The following HS6ST2 variants were observed in gnomAD, a reference collection of about 807,000 sequenced individuals.
HS6ST2 encodes the protein heparan-sulfate 6-O-sulfotransferase 2.
Under a neutral mutation model 33.0 loss-of-function variants are expected in HS6ST2, and 17 were observed. The observed-to-expected ratio is 0.52, with a 90% CI of 0.35 to 0.77. HS6ST2 has a LOEUF of 0.77. Ranked by LOEUF, HS6ST2 falls within the 30% of genes least tolerant of loss-of-function variation. HS6ST2 has a pLI of 0.01. For missense variants in HS6ST2, 519 were observed against 551.7 expected (o/e 0.94, Z 0.59); for synonymous variants, 248 against 237.1 (o/e 1.05, Z -0.42).
At chrX:132,944,340 T>C (rs1306003109) in intron 2 of HS6ST2, among the ~76,000 whole-genome samples, 1 of 111,132 alleles carries the variant, frequency 9.0e-6, no homozygotes, top group Non-Finnish European at 1.9e-5. Flanking sequence ...AAACCACTGC[T>C]CGATGAAACA....
At chrX:132,791,811 A>C (rs1343010470) in intron 2 of HS6ST2, among the ~76,000 whole-genome samples, 3 of 74,058 alleles carry the variant, frequency 4.1e-5, no homozygotes, top group African/African-American at 9.4e-5. Context: ...CCATTTCTAC[A>C]AAAAAAAAAA....
At chrX:132,631,510 T>A (rs1231132600) in intron 4 of HS6ST2, among the ~76,000 whole-genome samples, 1 of 110,262 alleles carries the variant, frequency 9.1e-6, no homozygotes, top group Non-Finnish European at 1.9e-5. Context: ...CTCCTTCCAC[T>A]CCTAGCTTTA....
chrX:132,669,093 A>G lies in HS6ST2; in HGVS notation c.1067+20T>C. On this transcript the variant is annotated intron_variant, in intron 4 of 4. Transcript: ENST00000370833. ...TTTTTGACAGCTATGTCAGATGTAC[A>G]GGAGCACTTTTTCACTTACTTCCCA... 9.3e-7 allele frequency: 1 copy of G among 1,072,766 alleles called. No individual in the cohort carries two copies. Among genetic ancestry groups the G allele is most frequent in the Non-Finnish European group, 1.3e-6 (1 of 770,798 alleles). The allele number at this position is 1,072,766 out of a possible 1,213,427, so 88.4% of individuals were successfully genotyped here. A position where few individuals can be genotyped will look rare whatever the true frequency, so the allele number is the denominator to read the frequency against.
chrX:132,845,094 AATT>A (rs1422290483), intron 2 of HS6ST2, among the ~76,000 whole-genome samples: 4 of 108,283 alleles, frequency 3.7e-5, no homozygotes, highest in Admixed American at 1.0e-4. Context: ...TATAATATCT[AATT>A]ATTATATATT....
At chrX:132,952,189 A>G (rs1444253545) in intron 2 of HS6ST2, among the ~76,000 whole-genome samples, 2 of 112,094 alleles carry the variant, frequency 1.8e-5, no homozygotes, top group East Asian at 5.6e-4. Context: ...GAGAACTTAC[A>G]GCTTTGTAAG....
At chrX:132,905,426 T>C (rs941727022) in intron 2 of HS6ST2, among the ~76,000 whole-genome samples, 1 of 112,362 alleles carries the variant, frequency 8.9e-6, no homozygotes, top group Non-Finnish European at 1.9e-5. Flanking sequence ...AAGGTAGTAA[T>C]CTGGGAAAAA....
intron 2 of HS6ST2, among the ~76,000 whole-genome samples, chrX:132,849,684 C>T (rs1221192258): frequency 8.9e-6 from 1 of 111,873 alleles, no homozygotes; most frequent in Non-Finnish European, 1.9e-5. Flanking sequence ...AGGTTTGATG[C>T]ATATTTCTTT....
intron 3 of HS6ST2, among the ~76,000 whole-genome samples, chrX:132,675,007 G>A (rs2063913183): frequency 8.9e-6 from 1 of 111,762 alleles, no homozygotes; most frequent in South Asian, 3.8e-4. Context: ...TATGTTTGGG[G>A]AATGAGAATA....
intron 2 of HS6ST2, among the ~76,000 whole-genome samples, chrX:132,813,426 G>T (rs1359868715): frequency 9.0e-6 from 1 of 111,513 alleles, no homozygotes. Context: ...CACACATATA[G>T]ATATTCCCCA....
intron 2 of HS6ST2, among the ~76,000 whole-genome samples, chrX:132,884,379 T>C (rs2066223319): frequency 8.9e-6 from 1 of 111,960 alleles, no homozygotes; most frequent in Admixed American, 9.5e-5. Flanking sequence ...TCTGCAGATG[T>C]TATGATGTTT....
chrX:132,875,281 G>C (rs924947187), intron 2 of HS6ST2, among the ~76,000 whole-genome samples: 9 of 111,494 alleles, frequency 8.1e-5, no homozygotes, highest in Admixed American at 2.9e-4. Context: ...AGGGCAAACT[G>C]ATTTTAAACA....
At chrX:132,753,596 C>T (rs1333207623) in intron 2 of HS6ST2, among the ~76,000 whole-genome samples, 2 of 112,253 alleles carry the variant, frequency 1.8e-5, no homozygotes, top group Non-Finnish European at 3.8e-5. Flanking sequence ...ACTGTGAGAC[C>T]TCCCTAGCCA....
rs771890853 is a variant in HS6ST2 at position 132,850,974 on chromosome X, CT to C, written c.947+105833del. 4.5e-5 allele frequency among the ~76,000 whole-genome samples: 5 copies of C among 111,925 alleles called. No homozygotes were observed. The East Asian group carries it at 1.4e-3, about 32-fold the overall frequency. ...CTAACATTTTCTGCCATGAATTGTC[CT>C]CTTCCAGCTTCACAATTAATGGTCT... On this transcript the variant is annotated intron_variant, in intron 2 of 4. Coordinates refer to ENST00000370833, the MANE Select transcript of HS6ST2 (RefSeq NM_001394073.1).
At chrX:132,828,616 C>G (rs1209507689) in intron 2 of HS6ST2, among the ~76,000 whole-genome samples, 1 of 101,942 alleles carries the variant, frequency 9.8e-6, no homozygotes, top group Non-Finnish European at 2.0e-5. Context: ...GAGACACCGA[C>G]TGGGCACTAC....
chrX:132,925,665 C>G (rs1179926522), intron 2 of HS6ST2, among the ~76,000 whole-genome samples: 1 of 111,423 alleles, frequency 9.0e-6, no homozygotes, highest in Non-Finnish European at 1.9e-5. Flanking sequence ...TTACAGCCAC[C>G]TAATGATATT....
chrX:132,743,926 T>C (rs1005406013), intron 2 of HS6ST2, among the ~76,000 whole-genome samples: 2 of 110,317 alleles, frequency 1.8e-5, no homozygotes, highest in Non-Finnish European at 3.8e-5. Flanking sequence ...TGAGCAAAGG[T>C]GTGCTGCCAT....
intron 2 of HS6ST2, among the ~76,000 whole-genome samples, chrX:132,711,228 T>A (rs185425466): frequency 9.0e-6 from 1 of 111,656 alleles, no homozygotes; most frequent in African/African-American, 3.2e-5. Flanking sequence ...ATCCAAAAGC[T>A]CCAGATGTGG....
chrX:132,875,787 T>C (rs999432527), intron 2 of HS6ST2, among the ~76,000 whole-genome samples: 1 of 112,442 alleles, frequency 8.9e-6, no homozygotes, highest in Admixed American at 9.4e-5. Context: ...AGTAGATGTT[T>C]TATTTTAAAA....
chrX:132,795,949 G>C (rs1002849470), intron 2 of HS6ST2, among the ~76,000 whole-genome samples: 1 of 111,442 alleles, frequency 9.0e-6, no homozygotes, highest in Non-Finnish European at 1.9e-5. Flanking sequence ...TGACTTCTTA[G>C]CTGTATGACC....
Sources: gnomAD v4.1 joint callset for allele counts (sites outside exome capture counted in the v4.1 genomes callset) on GRCh38, gnomAD v4.1.1 for gene constraint, MANE v1.5 for transcripts, NCBI Gene and HGNC (gene_info 2026-07-23, HGNC 2026-07-21) for gene names.